The following SVOP variants were observed in gnomAD, a reference collection of about 807,000 sequenced individuals.
SVOP encodes synaptic vesicle 2-related protein.
SVOP carries 17 observed loss-of-function variants against 69.1 expected under a neutral mutation model. That is an observed-to-expected ratio of 0.25 (90% CI 0.17 to 0.37). The LOEUF is 0.37. Among genes scored for constraint, SVOP ranks in the 10% least tolerant of loss-of-function variants. The pLI is 1.00. For missense variants in SVOP, 435 were observed against 597.5 expected, an observed-to-expected ratio of 0.73 and a Z score of 2.84; for synonymous variants, 238 against 238.6, an observed-to-expected ratio of 1.00 and a Z score of 0.02.
chr12:108,922,468 C>T (rs185379092), intron 12 of SVOP, among the ~76,000 whole-genome samples: 2 of 152,294 alleles, frequency 1.3e-5, no homozygotes, highest in African/African-American at 4.8e-5. Context: ...CTTCTGCCAG[C>T]ATGCATGAAA....
At chr12:108,943,598 AC>A (rs372668814) in intron 7 of SVOP, among the ~76,000 whole-genome samples, 583 of 47,270 alleles carry the variant, frequency 0.012, 8 homozygotes, top group African/African-American at 0.031. Flanking sequence ...ACTCTGTCTC[AC>A]AAAAAAAAAA....
At position 108,922,685 on chromosome 12, in the gene SVOP, C is replaced by A; in HGVS notation, c.1156+5G>T. On this transcript the variant is annotated splice_donor_5th_base_variant and intron_variant, in intron 12 of 15. Coordinates refer to ENST00000610966, the MANE Select transcript of SVOP (RefSeq NM_018711.5). Reference sequence around the variant, plus strand: ...ACACAGCTTCACCTTGCACAGGTCCCTCACCTGGAAACTCAGAGAGGGTGG... The same window carrying A: ...ACACAGCTTCACCTTGCACAGGTCCATCACCTGGAAACTCAGAGAGGGTGG... 6.2e-7 allele frequency: 1 copy of A among 1,600,350 alleles called. No homozygotes were observed. Among genetic ancestry groups the A allele is most frequent in the East Asian group, 2.3e-5 (1 of 44,444 alleles).
Position 108,918,033 on chromosome 12 carries a change from C to T in SVOP, c.1350+10G>A, listed in dbSNP as rs1273746622. 6 of 1,562,494 alleles carry T rather than the reference C, an allele frequency of 3.8e-6. No individual in the cohort carries two copies. The highest frequency in any genetic ancestry group is 8.7e-7 in the Non-Finnish European group (1 of 1,154,398). On this transcript the variant is annotated intron_variant, in intron 14 of 15. Coordinates refer to ENST00000610966, the MANE Select transcript of SVOP (RefSeq NM_018711.5). ...CCCGTTCCCCAGCAGCTCCCAGACA[C>T]CCCTCCTACCTCAGGTGTGTAAACA...
chr12:108,971,755 G>A (rs952796738), intron 5 of SVOP, among the ~76,000 whole-genome samples: 5 of 151,990 alleles, frequency 3.3e-5, no homozygotes, highest in Non-Finnish European at 5.9e-5. Flanking sequence ...AGTCCTGCTG[G>A]GATTGAGAAA....
At chr12:108,984,978 G>A (rs1331818846) in intron 1 of SVOP, among the ~76,000 whole-genome samples, 1 of 152,184 alleles carries the variant, frequency 6.6e-6, no homozygotes, top group Non-Finnish European at 1.5e-5. Flanking sequence ...TGTAATCCCA[G>A]CACTTTGGGA....
chr12:108,925,144 G>T (rs2039772551), intron 11 of SVOP, among the ~76,000 whole-genome samples: 1 of 152,056 alleles, frequency 6.6e-6, no homozygotes, highest in Non-Finnish European at 1.5e-5. Context: ...CTCTGATTTT[G>T]CCTGTAACTT....
At chr12:108,924,499 C>T (rs1171977697) in intron 11 of SVOP, among the ~76,000 whole-genome samples, 1 of 152,082 alleles carries the variant, frequency 6.6e-6, no homozygotes, top group African/African-American at 2.4e-5. Context: ...ACCCTACGGC[C>T]AACCCATCAG....
chr12:108,955,665 G>A (rs929640198), intron 6 of SVOP, among the ~76,000 whole-genome samples: 1 of 152,170 alleles, frequency 6.6e-6, no homozygotes, highest in African/African-American at 2.4e-5. Context: ...CCCTGTCCCT[G>A]TTCTATCTAC....
intron 1 of SVOP, among the ~76,000 whole-genome samples, chr12:108,993,442 C>T (rs1048681005): frequency 6.6e-6 from 1 of 151,706 alleles, no homozygotes; most frequent in Non-Finnish European, 1.5e-5. Context: ...TTACTGAAAT[C>T]CCTTATCCAA....
chr12:108,917,319 T>C lies in SVOP; in HGVS notation c.1350+724A>G, dbSNP rs747153968. On this transcript the variant is annotated intron_variant, in intron 14 of 15. Transcript: ENST00000610966. ...ACTTATTCAGCACATACTTCTTCAG[T>C]GCATACCATATGCATTTCTACATGA... Among the ~76,000 whole-genome samples, 20 of 152,366 alleles carry C rather than the reference T, an allele frequency of 1.3e-4. No homozygotes were observed. In the South Asian group the frequency reaches 3.1e-3, roughly 24 times the overall value.
At chr12:108,989,836 C>T (rs1022266703) in intron 1 of SVOP, among the ~76,000 whole-genome samples, 3 of 152,196 alleles carry the variant, frequency 2.0e-5, no homozygotes, top group African/African-American at 7.2e-5. Context: ...CACTGAATTC[C>T]CCTTCCTCGA....
chr12:108,919,487 A>T (rs1195893264), intron 13 of SVOP, among the ~76,000 whole-genome samples, 188 bp downstream of exon 13: 2 of 149,968 alleles, frequency 1.3e-5, no homozygotes, highest in Non-Finnish European at 3.0e-5. Flanking sequence ...ATACCTGGGC[A>T]TACACCAACA....
At chr12:108,956,020 G>T (rs964266862) in intron 6 of SVOP, among the ~76,000 whole-genome samples, 2 of 152,138 alleles carry the variant, frequency 1.3e-5, no homozygotes, top group African/African-American at 4.8e-5. Flanking sequence ...CATTATGCTG[G>T]CTGGGCGCAG....
intron 6 of SVOP, among the ~76,000 whole-genome samples, chr12:108,958,837 C>T (rs556954453): frequency 5.9e-5 from 9 of 152,058 alleles, no homozygotes; most frequent in African/African-American, 2.2e-4. Flanking sequence ...GCCTAGCCCC[C>T]CCGCCCCAAT....
At chr12:108,976,452 C>T (rs1407479348) in intron 4 of SVOP, among the ~76,000 whole-genome samples, 1 of 152,188 alleles carries the variant, frequency 6.6e-6, no homozygotes, top group Non-Finnish European at 1.5e-5. Context: ...TAGCGCCTAG[C>T]TCATAGGTCT....
At chr12:108,974,157 T>C (rs1450465932) in intron 4 of SVOP, among the ~76,000 whole-genome samples, 10 of 152,198 alleles carry the variant, frequency 6.6e-5, no homozygotes, top group Admixed American at 6.5e-4. Flanking sequence ...AAGCTTTTCA[T>C]ATATATAGTC....
At chr12:108,929,000 CTT>C (rs1158882071) in intron 11 of SVOP, among the ~76,000 whole-genome samples, 1 of 152,192 alleles carries the variant, frequency 6.6e-6, no homozygotes, top group Non-Finnish European at 1.5e-5. Context: ...GCCTTGCTGA[CTT>C]TCCCCCAGTT....
At chr12:108,993,468 C>A (rs1433716757) in intron 1 of SVOP, among the ~76,000 whole-genome samples, 1 of 151,950 alleles carries the variant, frequency 6.6e-6, no homozygotes, top group Admixed American at 6.6e-5. Flanking sequence ...ATCGAAAGAG[C>A]ACCTGCTTTG....
intron 7 of SVOP, among the ~76,000 whole-genome samples, chr12:108,943,211 T>A (rs572123541): frequency 6.6e-6 from 1 of 152,080 alleles, no homozygotes; most frequent in African/African-American, 2.4e-5. Flanking sequence ...CAAAGTCCCC[T>A]TTTGCTTAAG....
Sources: gnomAD v4.1 joint callset for allele counts (sites outside exome capture counted in the v4.1 genomes callset) on GRCh38, gnomAD v4.1.1 for gene constraint, MANE v1.5 for transcripts, NCBI Gene and HGNC (gene_info 2026-07-23, HGNC 2026-07-21) for gene names.